PPM1G: variants seen among roughly 807,000 people sequenced by gnomAD.
PPM1G encodes protein phosphatase, Mg2+/Mn2+ dependent 1G.
A neutral mutation model predicts 59.4 loss-of-function variants in PPM1G; 12 were observed. The ratio of observed to expected loss-of-function variants is 0.20; its 90% CI spans 0.13 to 0.33. The LOEUF is 0.33. Among genes scored for constraint, PPM1G ranks in the 10% least tolerant of loss-of-function variants. PPM1G has a pLI of 1.00. For synonymous variants in PPM1G, 245 were observed against 251.9 expected (o/e 0.97, Z 0.26); for missense variants, 392 against 681.3 (o/e 0.58, Z 4.73).
chr2:27,407,717 G>A (rs1200250773), intron 1 of PPM1G, among the ~76,000 whole-genome samples: 2 of 152,136 alleles, frequency 1.3e-5, no homozygotes, highest in Admixed American at 6.5e-5. Flanking sequence ...CACCAAAACA[G>A]TGTCCTAACC....
In PPM1G at chr2:27,385,762, C is replaced by T; in HGVS notation, c.394G>A (p.Ala132Thr). ...TEDEDEKEKV[A>T]DEDDVDNEEA... Reference sequence around the variant, plus strand: ...CCACACTCACCATCATCTTCATCAGCTACTTTTTCTTTTTCATCTTCATCC... The same window carrying T: ...CCACACTCACCATCATCTTCATCAGTTACTTTTTCTTTTTCATCTTCATCC... Residue 132 changes from alanine to threonine, a missense_variant, in exon 4 of 10, where the codon GCT becomes ACT. Around this residue, in one of 6 missense-constraint regions of PPM1G, gnomAD observed 188 missense variants for 248.8 expected, o/e 0.76. Transcript: ENST00000344034. The surrounding 1 kb of genome is among the most constrained non-coding windows in gnomAD (Gnocchi z 4.1). 1 of 1,613,084 alleles carries T rather than the reference C, an allele frequency of 6.2e-7. No individual in the cohort carries two copies.
Position 27,385,213 on chromosome 2 carries a change from T to G in PPM1G, c.410-125A>C. ...CAACCTCCCACTCCCAAGGTTCCTC[T>G]CGCTCAAGTCTCAGAAGAACATGCC... On this transcript the variant is annotated intron_variant, in intron 4 of 9. Transcript: ENST00000344034. The surrounding 1 kb of genome is among the most constrained non-coding windows in gnomAD (Gnocchi z 4.1). 1 of 1,104,720 alleles carries G rather than the reference T, an allele frequency of 9.1e-7. No homozygotes were observed. Among genetic ancestry groups the G allele is most frequent in the East Asian group, 2.6e-5 (1 of 39,162 alleles). The allele number at this position is 1,104,720 out of a possible 1,614,324, so 68.4% of individuals were successfully genotyped here.
chr2:27,394,685 G>A (rs2148423496), intron 1 of PPM1G, among the ~76,000 whole-genome samples: 1 of 147,458 alleles, frequency 6.8e-6, no homozygotes, highest in African/African-American at 2.5e-5. Flanking sequence ...GGAGGTTGCA[G>A]TGAGCCGAGA....
At chr2:27,399,096 C>T (rs1038459982) in intron 1 of PPM1G, among the ~76,000 whole-genome samples, 5 of 151,790 alleles carry the variant, frequency 3.3e-5, no homozygotes, top group East Asian at 1.9e-4. Flanking sequence ...ACCAAGATCG[C>T]GCCACTCCAT....
intron 1 of PPM1G, among the ~76,000 whole-genome samples, chr2:27,388,091 C>T (rs1346489026): frequency 2.0e-5 from 3 of 151,910 alleles, no homozygotes; most frequent in Non-Finnish European, 2.9e-5. Flanking sequence ...AGCCACCGCG[C>T]CCGGCCTACA....
chr2:27,398,013 A>G (rs1187407397), intron 1 of PPM1G, among the ~76,000 whole-genome samples: 2 of 152,232 alleles, frequency 1.3e-5, no homozygotes, highest in South Asian at 4.1e-4. Context: ...CAGATTCTGC[A>G]TAACCCCTAT....
chr2:27,396,921 G>A (rs193109019), intron 1 of PPM1G, among the ~76,000 whole-genome samples: 7 of 152,126 alleles, frequency 4.6e-5, no homozygotes. Context: ...CCAGGCTGGA[G>A]TACAATGGCA....
Position 27,382,523 on chromosome 2 carries a change from A to T in PPM1G, c.1284T>A (p.Thr428=). 1 of 1,614,218 alleles carries T rather than the reference A, an allele frequency of 6.2e-7. No individual in the cohort carries two copies. Residue 428 remains threonine (T), a synonymous_variant, in exon 8 of 10, where the codon ACT becomes ACA. Transcript: ENST00000344034. This position sits in a 1 kb window ranked among gnomAD's most constrained non-coding sequence, Gnocchi z 4.2. ...ISALPDIKVL[T]LTDDHEFMVI... ...CCATGAATTCATGGTCGTCAGTGAG[A>T]GTCAGCACCTTGATGTCAGGAAGGG...
chr2:27,382,068 A>G lies in PPM1G; in HGVS notation c.1434+58T>C. 3 of 1,531,762 alleles carry G rather than the reference A, an allele frequency of 2.0e-6. No homozygotes were observed. Among genetic ancestry groups the G allele is most frequent in the South Asian group, 1.1e-5 (1 of 89,212 alleles). 94.9% of individuals were successfully genotyped at this position (1,531,762 alleles called of 1,614,324 possible). On this transcript the variant is annotated intron_variant, in intron 9 of 9. Transcript: ENST00000344034. This position sits in a 1 kb window ranked among gnomAD's most constrained non-coding sequence, Gnocchi z 4.2. ...AGATTGCCGACTTAGCTCAGATTAAAAGAGTGAACCCTGGCTGTGCAGACC... is the reference window on the plus strand; with the variant it reads ...AGATTGCCGACTTAGCTCAGATTAAGAGAGTGAACCCTGGCTGTGCAGACC...
At chr2:27,394,322 A>G (rs980166101) in intron 1 of PPM1G, among the ~76,000 whole-genome samples, 1 of 152,212 alleles carries the variant, frequency 6.6e-6, no homozygotes, top group Non-Finnish European at 1.5e-5. Flanking sequence ...AATGGCTTTA[A>G]GCTGTTTCTT....
intron 1 of PPM1G, among the ~76,000 whole-genome samples, chr2:27,391,166 G>A (rs1310028134): frequency 2.0e-5 from 3 of 152,060 alleles, no homozygotes; most frequent in Non-Finnish European, 1.5e-5. Flanking sequence ...ATGTTCTTTT[G>A]GCAGAATGAT....
At chr2:27,393,693 T>C (rs1003513702) in intron 1 of PPM1G, among the ~76,000 whole-genome samples, 4 of 152,106 alleles carry the variant, frequency 2.6e-5, no homozygotes, top group Non-Finnish European at 4.4e-5. Flanking sequence ...CAAGCAATTC[T>C]CCTGCCTCAG....
intron 1 of PPM1G, among the ~76,000 whole-genome samples, chr2:27,402,732 C>T (rs976575163): frequency 2.0e-5 from 3 of 151,394 alleles, no homozygotes; most frequent in East Asian, 3.9e-4. Flanking sequence ...GGCATGAACC[C>T]GGGAGGCGGA....
At chr2:27,386,130 C>T in intron 3 of PPM1G, 64 bp downstream of exon 3, 9 of 1,463,656 alleles carry the variant, frequency 6.1e-6, no homozygotes, top group Middle Eastern at 4.3e-4. Context: ...AGGAAAAGCC[C>T]AAGGGCTAGA....
chr2:27,401,416 T>C (rs574347217), intron 1 of PPM1G, among the ~76,000 whole-genome samples: 2 of 152,320 alleles, frequency 1.3e-5, no homozygotes, highest in South Asian at 4.1e-4. Flanking sequence ...TCATGTAAAT[T>C]AGTGGATGCC....
chr2:27,393,505 A>C, intron 1 of PPM1G: 1 of 709,214 alleles, frequency 1.4e-6, no homozygotes, highest in Admixed American at 2.0e-5. Context: ...GCCGGGGTGC[A>C]GGACGAGCGC....
At chr2:27,401,843 A>T (rs1684186182) in intron 1 of PPM1G, among the ~76,000 whole-genome samples, 1 of 152,064 alleles carries the variant, frequency 6.6e-6, no homozygotes, top group African/African-American at 2.4e-5. Flanking sequence ...AGAAAAAAAG[A>T]AGAAAAAAAA....
At chr2:27,394,698 G>A (rs375327290) in intron 1 of PPM1G, among the ~76,000 whole-genome samples, 18 of 146,974 alleles carry the variant, frequency 1.2e-4, no homozygotes, top group African/African-American at 4.1e-4. Context: ...AGCCGAGATC[G>A]TGCCACTGCA....
chr2:27,382,370 C>G lies in PPM1G; in HGVS notation c.1331+106G>C, dbSNP rs2148417065. On this transcript the variant is annotated intron_variant, in intron 8 of 9. Coordinates refer to ENST00000344034, the MANE Select transcript of PPM1G (RefSeq NM_177983.3). The surrounding 1 kb of genome is among the most constrained non-coding windows in gnomAD (Gnocchi z 4.2). ...CTTAGTCTGGGTGCTCTTCACCCAC[C>G]AAGAGGCCTAGGTCTGCCTAGGCTC... The G allele has an allele frequency of 2.6e-6, 4 of 1,568,426 alleles. No homozygotes were observed. The highest frequency in any genetic ancestry group is 3.5e-6 in the Non-Finnish European group (4 of 1,150,980).
Sources: gnomAD v4.1 joint callset for allele counts (sites outside exome capture counted in the v4.1 genomes callset) on GRCh38, gnomAD v4.1.1 for gene constraint, gnomAD v4.1.1 regional missense constraint, Gnocchi (gnomAD v3.1) non-coding constraint, MANE v1.5 for transcripts, NCBI Gene and HGNC (gene_info 2026-07-23, HGNC 2026-07-21) for gene names.